P3H2: variants seen among roughly 807,000 people sequenced by gnomAD.
P3H2 encodes prolyl 3-hydroxylase 2.
Under a neutral mutation model 87.0 loss-of-function variants are expected in P3H2, and 80 were observed. The ratio of observed to expected loss-of-function variants is 0.92; its 90% confidence interval spans 0.77 to 1.11. The LOEUF is 1.11. Ranked by LOEUF, P3H2 falls within the 50% of genes least tolerant of loss-of-function variation. The pLI, the probability that P3H2 is intolerant of heterozygous loss-of-function variation, is 0.00. For synonymous variants in P3H2, 367 were observed against 359.3 expected (o/e 1.02, Z -0.24); for missense variants, 1,001 against 923.9 (o/e 1.08, Z -1.08).
chr3:190,080,749 A>G (rs1488580282), intron 1 of P3H2, among the ~76,000 whole-genome samples: 1 of 152,150 alleles, frequency 6.6e-6, no homozygotes, highest in Non-Finnish European at 1.5e-5. Flanking sequence ...GTGTCTGTAA[A>G]TTTGAGAGGC....
intron 1 of P3H2, among the ~76,000 whole-genome samples, chr3:190,059,879 A>AT (rs1214639618): frequency 6.6e-5 from 10 of 152,210 alleles, no homozygotes; most frequent in South Asian, 2.1e-4. Context: ...GTCATCTGAG[A>AT]TTTTTTAAAG....
At chr3:189,985,269 A>G (rs925779197) in intron 6 of P3H2, among the ~76,000 whole-genome samples, 9 of 151,980 alleles carry the variant, frequency 5.9e-5, no homozygotes, top group African/African-American at 1.7e-4. Flanking sequence ...CCCATGCCCA[A>G]GTAATTAAAA....
At chr3:189,963,854 T>C in intron 14 of P3H2, 104 bp downstream of exon 14, 1 of 1,165,090 alleles carries the variant, frequency 8.6e-7, no homozygotes, top group Non-Finnish European at 1.3e-6. Flanking sequence ...AAGAACTGCC[T>C]TTACCCTCTT....
intron 1 of P3H2, among the ~76,000 whole-genome samples, chr3:190,066,143 G>GTGTATGTATATATATATA (rs58939026): frequency 7.2e-6 from 1 of 138,766 alleles, no homozygotes; most frequent in Non-Finnish European, 1.5e-5. Context: ...ACTGTGGTGT[G>GTGTATGTATATATATATA]TATATATATA....
chr3:189,981,812 A>C (rs1723544258), intron 8 of P3H2, among the ~76,000 whole-genome samples: 1 of 152,244 alleles, frequency 6.6e-6, no homozygotes, highest in South Asian at 2.1e-4. Flanking sequence ...CCTAAAAGGC[A>C]ACATGAACTC....
intron 8 of P3H2, among the ~76,000 whole-genome samples, chr3:189,976,410 C>A (rs1577249926): frequency 6.6e-6 from 1 of 152,146 alleles, no homozygotes; most frequent in African/African-American, 2.4e-5. Context: ...TGGTGGCAGG[C>A]AAGAGAGCTT....
At chr3:190,019,009 G>T (rs1384493207) in intron 1 of P3H2, among the ~76,000 whole-genome samples, 1 of 152,174 alleles carries the variant, frequency 6.6e-6, no homozygotes, top group Non-Finnish European at 1.5e-5. Flanking sequence ...GAAACTACTG[G>T]ATCCTATGCC....
intron 1 of P3H2, among the ~76,000 whole-genome samples, chr3:189,996,772 A>T (rs994361046): frequency 7.9e-5 from 12 of 152,220 alleles, no homozygotes; most frequent in Admixed American, 2.0e-4. Flanking sequence ...CAAAACTTTT[A>T]AAAAAATTAA....
intron 8 of P3H2, among the ~76,000 whole-genome samples, chr3:189,975,799 C>T (rs1723331979): frequency 6.6e-6 from 1 of 152,182 alleles, no homozygotes; most frequent in South Asian, 2.1e-4. Context: ...CTCACTACAG[C>T]TCATGATTAA....
At chr3:190,035,722 CAA>C (rs1400033276) in intron 1 of P3H2, among the ~76,000 whole-genome samples, 1 of 152,120 alleles carries the variant, frequency 6.6e-6, no homozygotes, top group Non-Finnish European at 1.5e-5. Context: ...ATTGATAACT[CAA>C]AATAATCTCC....
At chr3:190,004,023 A>G (rs1724300909) in intron 1 of P3H2, among the ~76,000 whole-genome samples, 1 of 152,200 alleles carries the variant, frequency 6.6e-6, no homozygotes, top group Non-Finnish European at 1.5e-5. Context: ...CATCTCAAGA[A>G]TCTAGTTCAT....
At chr3:190,034,824 C>T in intron 1 of P3H2, among the ~76,000 whole-genome samples, 1 of 150,026 alleles carries the variant, frequency 6.7e-6, no homozygotes, top group Non-Finnish European at 1.5e-5. Flanking sequence ...AAATATCTGG[C>T]CAAATCGCTT....
chr3:190,043,055 G>A (rs1360803577), intron 1 of P3H2, among the ~76,000 whole-genome samples: 1 of 152,196 alleles, frequency 6.6e-6, no homozygotes, highest in Admixed American at 6.5e-5. Flanking sequence ...AGGGTTGTGA[G>A]AGAGTAAGTA....
At chr3:190,027,993 G>A (rs958818598) in intron 1 of P3H2, among the ~76,000 whole-genome samples, 8 of 151,580 alleles carry the variant, frequency 5.3e-5, no homozygotes, top group Admixed American at 6.6e-5. Flanking sequence ...AAAGAACCAG[G>A]CTTCCACTAC....
chr3:190,006,617 G>A (rs1724396014), intron 1 of P3H2, among the ~76,000 whole-genome samples: 1 of 152,124 alleles, frequency 6.6e-6, no homozygotes, highest in Admixed American at 6.5e-5. Flanking sequence ...CAAGCTTTTA[G>A]GGCAGAGTGG....
At chr3:190,110,509 C>T (rs116805095) in intron 1 of P3H2, among the ~76,000 whole-genome samples, 1,679 of 152,228 alleles carry the variant, frequency 0.011, 10 homozygotes, top group South Asian at 0.016. Flanking sequence ...CTGTCCCTGG[C>T]GGCATTTATA....
chr3:189,996,928 G>A (rs529755424), intron 1 of P3H2, among the ~76,000 whole-genome samples: 257 of 152,254 alleles, frequency 1.7e-3, no homozygotes, highest in African/African-American at 6.1e-3. Flanking sequence ...CACAGACACT[G>A]CCAACTGTCT....
chr3:190,011,923 C>A (rs557104253), intron 1 of P3H2, among the ~76,000 whole-genome samples: 1 of 152,068 alleles, frequency 6.6e-6, no homozygotes, highest in Non-Finnish European at 1.5e-5. Flanking sequence ...GTCATGATAT[C>A]CACATGGAGA....
chr3:189,973,811 A>G, intron 10 of P3H2, 98 bp downstream of exon 10: 1 of 908,726 alleles, frequency 1.1e-6, no homozygotes, highest in South Asian at 1.3e-5. Context: ...GGCGTGAGCC[A>G]CTGTGCCTGG....
Sources: allele counts gnomAD v4.1 joint callset (sites outside exome capture counted in the v4.1 genomes callset), GRCh38; gene constraint gnomAD v4.1.1; transcripts MANE v1.5; gene names NCBI Gene and HGNC (gene_info 2026-07-23, HGNC 2026-07-21).